NRXN1: variants seen among roughly 807,000 people sequenced by gnomAD.
NRXN1 encodes neurexin-1.
NRXN1 carries 39 observed loss-of-function variants against 150.9 expected under a neutral mutation model. The observed-to-expected ratio is 0.26, with a 90% CI of 0.20 to 0.34. NRXN1 has a LOEUF of 0.34. Ranked by LOEUF, NRXN1 falls within the 10% of genes least tolerant of loss-of-function variation. The probability of loss-of-function intolerance (pLI) is 1.00; values close to 1 mark genes in which losing one functional copy is unlikely to be tolerated. For synonymous variants in NRXN1, 924 were observed against 757.0 expected (o/e 1.22, Z -3.62); for missense variants, 1,815 against 1,949.9 (o/e 0.93, Z 1.30).
chr2:50,320,283 C>CTTATATATATACATATATAT (rs1178411507), intron 17 of NRXN1, among the ~76,000 whole-genome samples: 1 of 43,038 alleles, frequency 2.3e-5, no homozygotes, highest in African/African-American at 5.9e-5. Context: ...ATACCTCAAT[C>CTTATATATATACATATATAT]ATATATATAT....
At chr2:50,265,027 T>A (rs961280577) in intron 17 of NRXN1, among the ~76,000 whole-genome samples, 2 of 152,054 alleles carry the variant, frequency 1.3e-5, no homozygotes, top group South Asian at 4.2e-4. Context: ...TGTAGAAAGG[T>A]TTTTTAAAGA....
chr2:50,814,212 T>A (rs1375451694), intron 5 of NRXN1, among the ~76,000 whole-genome samples: 1 of 152,060 alleles, frequency 6.6e-6, no homozygotes, highest in Non-Finnish European at 1.5e-5. Flanking sequence ...GCTCAGGCTG[T>A]TCTTGAACTC....
chr2:50,912,154 T>A (rs1274373687), intron 5 of NRXN1: 1 of 151,894 alleles, frequency 6.6e-6, no homozygotes, highest in Non-Finnish European at 1.5e-5. Flanking sequence ...AAAGGTCAAA[T>A]CAATGAGTTG....
At chr2:50,714,601 T>C (rs1372066671) in intron 5 of NRXN1, among the ~76,000 whole-genome samples, 1 of 152,204 alleles carries the variant, frequency 6.6e-6, no homozygotes, top group Admixed American at 6.5e-5. Flanking sequence ...CCAAGTACAA[T>C]GAACAAAAGG....
At chr2:50,841,611 T>C (rs1246240059) in intron 5 of NRXN1, among the ~76,000 whole-genome samples, 1 of 152,234 alleles carries the variant, frequency 6.6e-6, no homozygotes, top group African/African-American at 2.4e-5. Context: ...AGAGTGCTTG[T>C]TTCTGGCAAG....
intron 18 of NRXN1, among the ~76,000 whole-genome samples, chr2:50,224,795 G>C (rs1226500241): frequency 6.6e-6 from 1 of 151,674 alleles, no homozygotes; most frequent in African/African-American, 2.4e-5. Context: ...CAATTAGGGA[G>C]GATTACTACA....
intron 17 of NRXN1, among the ~76,000 whole-genome samples, chr2:50,276,354 T>C (rs2070467120): frequency 6.6e-6 from 1 of 152,198 alleles, no homozygotes; most frequent in South Asian, 2.1e-4. Context: ...ATGATACAAG[T>C]ATGTTTATAT....
chr2:50,952,068 G>A (rs1253656013), intron 2 of NRXN1, among the ~76,000 whole-genome samples: 11 of 145,352 alleles, frequency 7.6e-5, no homozygotes, highest in African/African-American at 2.5e-4. Flanking sequence ...CCGGGTTCAT[G>A]CCATTCTCCT....
intron 19 of NRXN1, among the ~76,000 whole-genome samples, chr2:50,066,117 C>T (rs1237967603): frequency 1.3e-5 from 2 of 152,086 alleles, no homozygotes; most frequent in African/African-American, 2.4e-5. Flanking sequence ...TTCTCTAGTG[C>T]CAATAATTAA....
chr2:50,629,258 T>C (rs1681788242), intron 5 of NRXN1, among the ~76,000 whole-genome samples: 1 of 151,698 alleles, frequency 6.6e-6, no homozygotes, highest in Admixed American at 6.6e-5. Flanking sequence ...TTCAGTATAG[T>C]CACACAATAG....
intron 5 of NRXN1, among the ~76,000 whole-genome samples, chr2:50,838,354 T>G (rs910392025): frequency 6.6e-6 from 1 of 152,134 alleles, no homozygotes; most frequent in Admixed American, 6.6e-5. Flanking sequence ...AATATTTTGG[T>G]GATACTGCAA....
chr2:50,005,555 A>G (rs1684624612), intron 21 of NRXN1, among the ~76,000 whole-genome samples: 1 of 152,140 alleles, frequency 6.6e-6, no homozygotes, highest in African/African-American at 2.4e-5. Context: ...TCTACTTTTT[A>G]CCAGCATTAT....
At chr2:50,565,942 G>A (rs1176163229) in intron 8 of NRXN1, among the ~76,000 whole-genome samples, 1 of 152,066 alleles carries the variant, frequency 6.6e-6, no homozygotes, top group Non-Finnish European at 1.5e-5. Context: ...TGGCAATACT[G>A]GCTTATTGAA....
chr2:50,934,590 C>A (rs1006391582), intron 2 of NRXN1, among the ~76,000 whole-genome samples: 2 of 152,128 alleles, frequency 1.3e-5, no homozygotes, highest in Admixed American at 1.3e-4. Context: ...AATTGTGAAG[C>A]TTTCAGTCAT....
chr2:51,027,531 G>T lies in NRXN1; in HGVS notation c.743C>A (p.Thr248Asn). 1 of 1,558,254 alleles carries T rather than the reference G, an allele frequency of 6.4e-7. No individual in the cohort carries two copies. The highest frequency in any genetic ancestry group is 2.3e-5 in the East Asian group (1 of 43,868). Reference protein sequence around the residue: ...DDQAVCDCSRTGFRGKDCSQE... With the variant: ...DDQAVCDCSRNGFRGKDCSQE... ...GCTGCAGTCCTTGCCGCGGAAGCCG[G>T]TTCGCGAGCAGTCGCACACGGCCTG... The change falls in exon 2 of 23, where the codon ACC becomes AAC. Residue 248 changes from threonine (T) to asparagine (N), a missense_variant. This residue lies in a region of NRXN1 where 554 missense variants were observed against 478.8 expected (regional missense o/e 1.16). Transcript: ENST00000401669.
intron 17 of NRXN1, among the ~76,000 whole-genome samples, chr2:50,331,616 C>G (rs1443400586): frequency 6.6e-6 from 1 of 152,164 alleles, no homozygotes. Context: ...GATTTAACCA[C>G]TTGTTAGTAT....
At chr2:50,955,283 A>G (rs1264576364) in intron 2 of NRXN1, among the ~76,000 whole-genome samples, 1 of 152,204 alleles carries the variant, frequency 6.6e-6, no homozygotes, top group Admixed American at 6.5e-5. Context: ...AAAAAACAGG[A>G]GAGGGACGGC....
At chr2:50,235,820 G>A in intron 18 of NRXN1, among the ~76,000 whole-genome samples, 1 of 151,990 alleles carries the variant, frequency 6.6e-6, no homozygotes, top group East Asian at 1.9e-4. Flanking sequence ...AGAGGATGGG[G>A]AGACTTACCT....
chr2:50,713,092 C>G (rs1340359011), intron 5 of NRXN1, among the ~76,000 whole-genome samples: 1 of 152,084 alleles, frequency 6.6e-6, no homozygotes, highest in African/African-American at 2.4e-5. Context: ...GCAGGAAGAT[C>G]ACTTGAGGCC....
Sources: allele counts gnomAD v4.1 joint callset (sites outside exome capture counted in the v4.1 genomes callset), GRCh38; gene constraint gnomAD v4.1.1; regional missense constraint gnomAD v4.1.1; transcripts MANE v1.5; gene names NCBI Gene and HGNC (gene_info 2026-07-23, HGNC 2026-07-21).